The following SGCD variants were observed in gnomAD, a reference collection of about 807,000 sequenced individuals.
SGCD encodes the protein delta-sarcoglycan.
In SGCD, 18 loss-of-function variants were observed where a neutral mutation model predicts 36.6. The ratio of observed to expected loss-of-function variants is 0.49; its 90% CI spans 0.34 to 0.73. SGCD has a LOEUF of 0.73. Among genes scored for constraint, SGCD ranks in the 30% least tolerant of loss-of-function variants. SGCD has a pLI of 0.01. For missense variants in SGCD, 387 were observed against 346.7 expected (o/e 1.12, Z -0.92); for synonymous variants, 133 against 130.6 (o/e 1.02, Z -0.12).
chr5:156,445,102 C>T lies in SGCD; in HGVS notation c.193-63499C>T, dbSNP rs147186591. Among the ~76,000 whole-genome samples, 1,022 of 152,240 alleles carry T rather than the reference C, an allele frequency of 6.7e-3. 9 individuals are homozygous for T. Among genetic ancestry groups the T allele is most frequent in the Non-Finnish European group, 8.8e-3 (601 of 68,008 alleles). ...CCATGGAATGCTAGCTGATGAATTT[C>T]CTTTGCCACTGAGAAGCCCTAACTT... On this transcript the variant is annotated intron_variant, in intron 3 of 8. Transcript: ENST00000337851.
chr5:156,649,811 T>G (rs1389711517), intron 7 of SGCD, among the ~76,000 whole-genome samples: 3 of 152,114 alleles, frequency 2.0e-5, no homozygotes, highest in Non-Finnish European at 2.9e-5. Flanking sequence ...TGTATACATA[T>G]GTAACAAACC....
intron 4 of SGCD, among the ~76,000 whole-genome samples, chr5:156,516,633 C>T (rs570554594): frequency 1.8e-4 from 27 of 152,278 alleles, no homozygotes; most frequent in African/African-American, 6.5e-4. Context: ...CAGCACCTTT[C>T]TAGCAAGGAC....
At chr5:156,100,604 C>T (rs934625541) in intron 1 of SGCD, among the ~76,000 whole-genome samples, 3 of 152,142 alleles carry the variant, frequency 2.0e-5, no homozygotes, top group Admixed American at 2.0e-4. Flanking sequence ...TTCCCTATTG[C>T]AGTAGTGTTT....
chr5:156,003,487 C>A (rs1758702292), intron 1 of SGCD, among the ~76,000 whole-genome samples: 1 of 152,192 alleles, frequency 6.6e-6, no homozygotes, highest in Non-Finnish European at 1.5e-5. Flanking sequence ...CCGGAGCTGT[C>A]TGACCTGGGC....
intron 1 of SGCD, among the ~76,000 whole-genome samples, chr5:156,033,281 T>A (rs1309253873): frequency 6.6e-6 from 1 of 152,162 alleles, no homozygotes; most frequent in East Asian, 1.9e-4. Context: ...TGCAGGTTTC[T>A]TACATACATA....
At chr5:155,754,057 A>G in the SGCD span, among the ~76,000 whole-genome samples, 2 of 152,034 alleles carry the variant, frequency 1.3e-5, no homozygotes, top group African/African-American at 4.8e-5. Context: ...CAGACTGTGT[A>G]TGGGGAGTAC....
chr5:156,731,185 G>A (rs1485794405), intron 7 of SGCD, among the ~76,000 whole-genome samples: 1 of 152,024 alleles, frequency 6.6e-6, no homozygotes, highest in Non-Finnish European at 1.5e-5. Flanking sequence ...TTGCAAAAAT[G>A]TTCTCCCATT....
At chr5:155,909,541 G>A (rs1756589150) in intron 1 of SGCD, among the ~76,000 whole-genome samples, 1 of 152,122 alleles carries the variant, frequency 6.6e-6, no homozygotes, top group Admixed American at 6.6e-5. Flanking sequence ...CCACTTCTAG[G>A]ATGGAATGCA....
chr5:156,588,988 T>C (rs1024390571), intron 4 of SGCD, among the ~76,000 whole-genome samples: 2 of 143,060 alleles, frequency 1.4e-5, no homozygotes, highest in African/African-American at 5.2e-5. Context: ...GGAATCTATA[T>C]TGTGTGTGTG....
intron 3 of SGCD, among the ~76,000 whole-genome samples, chr5:156,438,551 C>G (rs572506552): frequency 2.9e-4 from 44 of 152,118 alleles, no homozygotes; most frequent in Non-Finnish European, 5.7e-4. Context: ...CAACTCCCAC[C>G]TTTCCCAGGA....
At chr5:155,984,016 T>C (rs1303310968) in intron 1 of SGCD, among the ~76,000 whole-genome samples, 1 of 152,226 alleles carries the variant, frequency 6.6e-6, no homozygotes, top group Non-Finnish European at 1.5e-5. Context: ...GTCAGTATCA[T>C]TTGCATGACT....
At chr5:156,251,620 T>C (rs2127661065) in intron 3 of SGCD, among the ~76,000 whole-genome samples, 1 of 152,172 alleles carries the variant, frequency 6.6e-6, no homozygotes, top group South Asian at 2.1e-4. Flanking sequence ...GTTCAAGCCA[T>C]TCTCCTGCCT....
intron 1 of SGCD, among the ~76,000 whole-genome samples, chr5:156,085,910 A>G (rs1489686621): frequency 2.0e-5 from 3 of 152,188 alleles, no homozygotes; most frequent in Non-Finnish European, 2.9e-5. Flanking sequence ...GCACTTTAAG[A>G]TGGTAAAACA....
At chr5:156,619,374 T>G (rs111376671) in intron 6 of SGCD, among the ~76,000 whole-genome samples, 4 of 152,304 alleles carry the variant, frequency 2.6e-5, no homozygotes, top group African/African-American at 9.6e-5. Flanking sequence ...GTTTTGTTTT[T>G]CTGTTTGCGG....
intron 1 of SGCD, among the ~76,000 whole-genome samples, chr5:155,946,009 C>A (rs1039435807): frequency 6.6e-6 from 1 of 152,038 alleles, no homozygotes; most frequent in Non-Finnish European, 1.5e-5. Context: ...GTAAAATGGG[C>A]AGAGCATTGT....
chr5:156,104,683 T>G (rs1561722669), intron 1 of SGCD, among the ~76,000 whole-genome samples: 1 of 152,210 alleles, frequency 6.6e-6, no homozygotes, highest in Non-Finnish European at 1.5e-5. Context: ...TCATAATGTG[T>G]CAGCAGTTCA....
At chr5:155,971,420 C>A (rs1366244548) in intron 1 of SGCD, among the ~76,000 whole-genome samples, 2 of 152,020 alleles carry the variant, frequency 1.3e-5, no homozygotes, top group African/African-American at 4.8e-5. Context: ...GCAGTACCAC[C>A]TAGGAGGTTA....
At chr5:155,872,454 A>C (rs1016665582) in intron 1 of SGCD, among the ~76,000 whole-genome samples, 1 of 152,094 alleles carries the variant, frequency 6.6e-6, no homozygotes, top group African/African-American at 2.4e-5. Context: ...TAATATTTTA[A>C]TGTGAGAAAC....
At chr5:155,942,330 G>GTGTGTATCTATCTATC (rs1554105950) in intron 1 of SGCD, among the ~76,000 whole-genome samples, 54 of 135,606 alleles carry the variant, frequency 4.0e-4, no homozygotes, top group Admixed American at 1.9e-3. Flanking sequence ...ATGTATGTAT[G>GTGTGTATCTATCTATC]TATGTATCTA....
Sources: allele counts gnomAD v4.1 joint callset (sites outside exome capture counted in the v4.1 genomes callset), GRCh38; gene constraint gnomAD v4.1.1; transcripts MANE v1.5; gene names NCBI Gene and HGNC (gene_info 2026-07-23, HGNC 2026-07-21).